The following MIPEP variants were observed in gnomAD, a reference collection of about 807,000 sequenced individuals.
The protein encoded by MIPEP is mitochondrial intermediate peptidase.
Under a neutral mutation model 90.3 loss-of-function variants are expected in MIPEP, and 79 were observed. That is an observed-to-expected ratio of 0.87 (90% confidence interval 0.73 to 1.05). MIPEP has a LOEUF of 1.05. Among genes scored for constraint, MIPEP ranks in the 50% least tolerant of loss-of-function variants. MIPEP has a pLI of 0.00. For missense variants in MIPEP, 940 were observed against 905.6 expected, an observed-to-expected ratio of 1.04 and a Z score of -0.49; for synonymous variants, 334 against 315.8, an observed-to-expected ratio of 1.06 and a Z score of -0.61.
chr13:23,875,482 T>C (rs1871031770), intron 4 of MIPEP, among the ~76,000 whole-genome samples: 2 of 152,180 alleles, frequency 1.3e-5, no homozygotes, highest in South Asian at 4.1e-4. Flanking sequence ...ATTGTTTTCT[T>C]TCTTTTTACT....
chr13:23,831,381 G>GGCA lies in MIPEP; in HGVS notation c.1653+4858_1653+4859insTGC, dbSNP rs1868736119. Among the ~76,000 whole-genome samples, 23 of 71,332 alleles carry GGCA rather than the reference G, an allele frequency of 3.2e-4. 3 individuals carry two copies. In the South Asian group the frequency reaches 0.013, roughly 42 times the overall value. 46.8% of individuals were successfully genotyped at this position (71,332 alleles called of 152,430 possible). On this transcript the variant is annotated intron_variant, in intron 14 of 18. Coordinates refer to ENST00000382172, the MANE Select transcript of MIPEP (RefSeq NM_005932.4). ...GTCGGGGACAGCCTAGCTTCCCCAT[G>GGCA]GCGGGGGGGGGATGTGGATGGGAAT...
At chr13:23,883,251 T>C (rs75519789) in intron 2 of MIPEP, among the ~76,000 whole-genome samples, 18,638 of 151,956 alleles carry the variant, frequency 0.12, 1,238 homozygotes, top group Non-Finnish European at 0.14. Flanking sequence ...TTATTATACA[T>C]GATAAATACT....
intron 10 of MIPEP, among the ~76,000 whole-genome samples, chr13:23,844,244 T>C (rs550114463): frequency 2.8e-4 from 43 of 151,894 alleles, no homozygotes; most frequent in Admixed American, 5.2e-4. Flanking sequence ...CACAGAACAG[T>C]TCAGAGGTAC....
intron 10 of MIPEP, among the ~76,000 whole-genome samples, chr13:23,858,470 CAAAAAAAAAAAA>C (rs1178186750): frequency 6.1e-5 from 3 of 48,944 alleles, no homozygotes; most frequent in South Asian, 1.4e-3. Flanking sequence ...GACTCCGCCT[CAAAAAAAAAAAA>C]AAAAAAAAAA....
chr13:23,881,702 T>C lies in MIPEP; in HGVS notation c.449A>G (p.Glu150Gly). 1 of 1,612,976 alleles carries C rather than the reference T, an allele frequency of 6.2e-7. No individual in the cohort carries two copies. Among genetic ancestry groups the C allele is most frequent in the Non-Finnish European group, 8.5e-7 (1 of 1,179,082 alleles). Reference sequence around the variant, plus strand: ...TGGGGAGGGGAACAGCACATACTTCTCTACCATGGTGCCAATACTTCTACA... The same window carrying C: ...TGGGGAGGGGAACAGCACATACTTCCCTACCATGGTGCCAATACTTCTACA... ...EACRSIGTMV[E>G]KLNTNVDLYQ... The change falls in exon 3 of 19, where the codon GAG becomes GGG. Residue 150 changes from glutamate (E) to glycine (G), a missense_variant. Coordinates refer to ENST00000382172, the MANE Select transcript of MIPEP (RefSeq NM_005932.4).
chr13:23,831,390 G>GGGGGC (rs1868752587), intron 14 of MIPEP, among the ~76,000 whole-genome samples: 3 of 99,208 alleles, frequency 3.0e-5, no homozygotes, highest in Admixed American at 2.9e-4. Context: ...TGGCGGGGGG[G>GGGGGC]GGATGTGGAT....
intron 18 of MIPEP, among the ~76,000 whole-genome samples, chr13:23,744,949 T>G (rs943156808): frequency 1.4e-4 from 22 of 152,208 alleles, no homozygotes; most frequent in Admixed American, 6.5e-4. Context: ...TGACTTAAGC[T>G]TTTAAGAATT....
At chr13:23,828,930 A>G (rs1868603815) in intron 14 of MIPEP, among the ~76,000 whole-genome samples, 1 of 152,234 alleles carries the variant, frequency 6.6e-6, no homozygotes, top group Admixed American at 6.5e-5. Flanking sequence ...AATAATAGTA[A>G]GCTTATTACT....
At chr13:23,853,985 G>A (rs1424480319) in intron 10 of MIPEP, among the ~76,000 whole-genome samples, 1 of 151,996 alleles carries the variant, frequency 6.6e-6, no homozygotes, top group Non-Finnish European at 1.5e-5. Context: ...GAAGAGCAAA[G>A]AAAGAAGAAA....
Position 23,875,184 on chromosome 13 carries a change from G to A in MIPEP, c.540-275C>T, listed in dbSNP as rs141072405. On this transcript the variant is annotated intron_variant, in intron 4 of 18. Coordinates refer to ENST00000382172, the MANE Select transcript of MIPEP (RefSeq NM_005932.4). ...AAGAGCTTATTCCTTTATTCAGAGA[G>A]TACAAACCTGTGAAAGCCACAGGTT... 8.6e-5 allele frequency among the ~76,000 whole-genome samples: 13 copies of A among 151,828 alleles called. No homozygotes were observed. The East Asian group carries it at 9.7e-4, about 11-fold the overall frequency.
intron 15 of MIPEP, among the ~76,000 whole-genome samples, chr13:23,809,292 A>G (rs1462870491): frequency 6.6e-6 from 1 of 152,326 alleles, no homozygotes; most frequent in East Asian, 1.9e-4. Context: ...TGTGTGATTT[A>G]GAAGTTGTGT....
intron 10 of MIPEP, among the ~76,000 whole-genome samples, chr13:23,851,370 T>C (rs904457496): frequency 1.3e-5 from 2 of 152,250 alleles, no homozygotes; most frequent in Admixed American, 1.3e-4. Context: ...TAGTTTATAA[T>C]GACGCTTTAC....
At chr13:23,787,431 CAG>C (rs1593154401) in intron 16 of MIPEP, among the ~76,000 whole-genome samples, 9 of 148,882 alleles carry the variant, frequency 6.0e-5, no homozygotes, top group Admixed American at 2.0e-4. Flanking sequence ...AGAGAGAAGA[CAG>C]AGAGAGAGAG....
chr13:23,761,620 T>C (rs867833743), intron 16 of MIPEP, among the ~76,000 whole-genome samples: 5 of 152,186 alleles, frequency 3.3e-5, no homozygotes, highest in Admixed American at 6.5e-5. Flanking sequence ...CCATTCCAAT[T>C]CATCAGCAGG....
intron 18 of MIPEP, among the ~76,000 whole-genome samples, chr13:23,734,249 A>G (rs1565975990): frequency 6.6e-6 from 1 of 152,094 alleles, no homozygotes; most frequent in Non-Finnish European, 1.5e-5. Context: ...CCTCCTCTGT[A>G]CAGGGTAGCT....
At position 23,808,701 on chromosome 13, in the gene MIPEP, T is replaced by A. The variant is rs537171406; in HGVS notation, c.1728+1149A>T. On this transcript the variant is annotated intron_variant, in intron 15 of 18. Transcript: ENST00000382172. Reference sequence around the variant, plus strand: ...GCAAATCAAGACTTTTGCCAAGTAATGTTAATTTTTAAAAATAACTCAGAA... The same window carrying A: ...GCAAATCAAGACTTTTGCCAAGTAAAGTTAATTTTTAAAAATAACTCAGAA... 1.8e-4 allele frequency among the ~76,000 whole-genome samples: 27 copies of A among 152,330 alleles called. No homozygotes were observed. In the South Asian group the frequency reaches 5.0e-3, roughly 28 times the overall value.
At chr13:23,860,096 G>A (rs916662304) in intron 9 of MIPEP, among the ~76,000 whole-genome samples, 11 of 152,368 alleles carry the variant, frequency 7.2e-5, no homozygotes, top group Middle Eastern at 3.4e-3. Flanking sequence ...ACAAGAGGAT[G>A]ATAGCCTAGG....
chr13:23,843,981 G>C (rs9553077), intron 10 of MIPEP, among the ~76,000 whole-genome samples: 16,455 of 152,178 alleles, frequency 0.11, 1,000 homozygotes, highest in East Asian at 0.22. Context: ...TGGGAGAAGA[G>C]AGGAGGGTGA....
At chr13:23,859,022 G>T in intron 9 of MIPEP, 110 bp from the exon 10 acceptor site, 3 of 858,762 alleles carry the variant, frequency 3.5e-6, no homozygotes, top group Non-Finnish European at 5.6e-6. Flanking sequence ...ATGTAAATCA[G>T]AACAATTTTA....
Sources: gnomAD v4.1 joint callset for allele counts (sites outside exome capture counted in the v4.1 genomes callset) on GRCh38, gnomAD v4.1.1 for gene constraint, MANE v1.5 for transcripts, NCBI Gene and HGNC (gene_info 2026-07-23, HGNC 2026-07-21) for gene names.